The following UBTD1 variants were observed in gnomAD, a reference collection of about 807,000 sequenced individuals.
UBTD1 encodes the protein ubiquitin domain-containing protein 1.
Under a neutral mutation model 21.7 loss-of-function variants are expected in UBTD1, and 19 were observed. That is an observed-to-expected ratio of 0.87 (90% CI 0.61 to 1.28). The LOEUF is 1.28. Among genes scored for constraint, UBTD1 ranks in the 50% most tolerant of loss-of-function variants. The pLI, the probability that UBTD1 is intolerant of heterozygous loss-of-function variation, is 0.00. For synonymous variants in UBTD1, 116 were observed against 135.1 expected, an observed-to-expected ratio of 0.86 and a Z score of 0.98; for missense variants, 282 against 315.1, an observed-to-expected ratio of 0.89 and a Z score of 0.80.
At chr10:97,537,797 T>A (rs1006767672) in intron 1 of UBTD1, among the ~76,000 whole-genome samples, 2 of 150,072 alleles carry the variant, frequency 1.3e-5, no homozygotes. Context: ...TCTTTCAGGG[T>A]GTGTGCTTGT....
Position 97,516,797 on chromosome 10 carries a change from C to T in UBTD1, c.70+17524C>T, listed in dbSNP as rs184028039. 1.8e-3 allele frequency among the ~76,000 whole-genome samples: 276 copies of T among 152,060 alleles called. 1 individual carries two copies. The highest frequency in any genetic ancestry group is 6.2e-3 in the African/African-American group (256 of 41,516). On this transcript the variant is annotated intron_variant, in intron 1 of 2. Coordinates refer to ENST00000370664, the MANE Select transcript of UBTD1 (RefSeq NM_024954.5). The stretch of plus-strand genomic sequence containing the variant: ...AAAAAAAAAAAGAAACCCATCTCCT[C>T]GCATCTCCTACAGTCAGGGGATGCT...
At chr10:97,518,409 G>A (rs1466529382) in intron 1 of UBTD1, among the ~76,000 whole-genome samples, 1 of 152,236 alleles carries the variant, frequency 6.6e-6, no homozygotes, top group Non-Finnish European at 1.5e-5. Flanking sequence ...TTTCCTGTAT[G>A]AGTCATGCCT....
chr10:97,532,033 T>C (rs149933653), intron 1 of UBTD1, among the ~76,000 whole-genome samples: 4 of 152,170 alleles, frequency 2.6e-5, no homozygotes, highest in African/African-American at 9.7e-5. Flanking sequence ...GGCTGGGTAG[T>C]TGGCCATCCT....
chr10:97,539,189 G>C (rs766115812), intron 1 of UBTD1, among the ~76,000 whole-genome samples: 2 of 151,412 alleles, frequency 1.3e-5, no homozygotes, highest in African/African-American at 4.9e-5. Flanking sequence ...GGAGCCTGGG[G>C]TTTCTGGAGG....
At chr10:97,522,257 T>C (rs1267051297) in intron 1 of UBTD1, among the ~76,000 whole-genome samples, 1 of 152,240 alleles carries the variant, frequency 6.6e-6, no homozygotes, top group East Asian at 1.9e-4. Context: ...CAGACTTTCT[T>C]TGGGCGAGGC....
At chr10:97,544,996 G>A (rs1286609964) in intron 1 of UBTD1, among the ~76,000 whole-genome samples, 2 of 151,930 alleles carry the variant, frequency 1.3e-5, no homozygotes, top group East Asian at 1.9e-4. Flanking sequence ...AAGAAAACTC[G>A]AACCCATGTT....
In UBTD1 at chr10:97,568,151, C is replaced by A. The variant is rs768181581; in HGVS notation, c.298+10C>A. The A allele has an allele frequency of 6.2e-7, 1 of 1,613,204 alleles. No individual in the cohort carries two copies. Among genetic ancestry groups the A allele is most frequent in the Admixed American group, 1.7e-5 (1 of 60,024 alleles). Reference sequence around the variant, plus strand: ...ATCACCCTGCCTCATGGTAAGTGGGCAGGGCCAGGGCTTTATCCCCGCTGG... The same window carrying A: ...ATCACCCTGCCTCATGGTAAGTGGGAAGGGCCAGGGCTTTATCCCCGCTGG... On this transcript the variant is annotated intron_variant, in intron 2 of 2. Transcript: ENST00000370664.
At chr10:97,558,766 T>C (rs892548690) in intron 1 of UBTD1, among the ~76,000 whole-genome samples, 1 of 152,242 alleles carries the variant, frequency 6.6e-6, no homozygotes, top group African/African-American at 2.4e-5. Flanking sequence ...AACTATTTGA[T>C]TTTAAGCTTT....
chr10:97,534,401 G>T (rs939517657), intron 1 of UBTD1, among the ~76,000 whole-genome samples: 4 of 152,176 alleles, frequency 2.6e-5, no homozygotes, highest in Admixed American at 6.5e-5. Context: ...ATCCAAGGCA[G>T]CTAGAAACAG....
chr10:97,514,541 C>G (rs924600975), intron 1 of UBTD1, among the ~76,000 whole-genome samples: 4 of 152,200 alleles, frequency 2.6e-5, no homozygotes, highest in African/African-American at 9.7e-5. Context: ...ATCAGGACAG[C>G]TCCACGTTGT....
At chr10:97,518,864 T>C (rs997577834) in intron 1 of UBTD1, among the ~76,000 whole-genome samples, 1 of 152,244 alleles carries the variant, frequency 6.6e-6, no homozygotes, top group African/African-American at 2.4e-5. Context: ...GTTTTCCAGA[T>C]GTAGTACCAA....
chr10:97,570,464 A>G lies in UBTD1; in HGVS notation c.625A>G (p.Ile209Val). The G allele has an allele frequency of 1.2e-6, 2 of 1,612,338 alleles. No homozygotes were observed. The highest frequency in any genetic ancestry group is 1.7e-6 in the Non-Finnish European group (2 of 1,179,356). Residue 209 changes from isoleucine to valine, a missense_variant, in exon 3 of 3, where the codon ATC (isoleucine) becomes GTC (valine). Coordinates refer to ENST00000370664, the MANE Select transcript of UBTD1 (RefSeq NM_024954.5). The surrounding 1 kb of genome is among the most constrained non-coding windows in gnomAD (Gnocchi z 6.6). Reference protein sequence around the residue: ...TDRTRLQETKIQKDFVIQVII... With the variant: ...TDRTRLQETKVQKDFVIQVII... ...CCGCACACGGCTCCAGGAGACCAAG[A>G]TCCAGAAAGATTTTGTCATCCAGGT...
chr10:97,514,358 C>A (rs2040434977), intron 1 of UBTD1, among the ~76,000 whole-genome samples: 1 of 152,142 alleles, frequency 6.6e-6, no homozygotes, highest in Non-Finnish European at 1.5e-5. Flanking sequence ...CACCTGCCAC[C>A]CTCATCCCTC....
intron 1 of UBTD1, among the ~76,000 whole-genome samples, chr10:97,534,575 G>GCA (rs1220230746): frequency 1.3e-4 from 6 of 46,932 alleles, no homozygotes; most frequent in Non-Finnish European, 2.6e-4. Context: ...ACACACGCGC[G>GCA]CGCGCACACA....
intron 1 of UBTD1, among the ~76,000 whole-genome samples, chr10:97,538,117 T>C (rs567728635): frequency 4.6e-5 from 7 of 152,110 alleles, no homozygotes; most frequent in Non-Finnish European, 1.0e-4. Context: ...CCAGCCACCA[T>C]GCTCAGCCCC....
intron 1 of UBTD1, among the ~76,000 whole-genome samples, chr10:97,557,555 T>A (rs192449366): frequency 1.8e-4 from 28 of 152,336 alleles, no homozygotes; most frequent in African/African-American, 6.0e-4. Context: ...TATACTTATT[T>A]TTTTTTACTG....
intron 1 of UBTD1, among the ~76,000 whole-genome samples, chr10:97,555,421 C>T (rs1283922802): frequency 3.3e-5 from 5 of 152,126 alleles, no homozygotes; most frequent in Admixed American, 2.6e-4. Context: ...TTGTGGCTCA[C>T]GTGAGGTGGG....
At chr10:97,563,536 A>G (rs935702424) in intron 1 of UBTD1, among the ~76,000 whole-genome samples, 1 of 152,162 alleles carries the variant, frequency 6.6e-6, no homozygotes, top group African/African-American at 2.4e-5. Context: ...GGGCAAGTAT[A>G]AGAGTGAGTA....
At chr10:97,524,862 G>A (rs1184489624) in intron 1 of UBTD1, among the ~76,000 whole-genome samples, 2 of 152,192 alleles carry the variant, frequency 1.3e-5, no homozygotes, top group Non-Finnish European at 2.9e-5. Context: ...AAAGGGTGGA[G>A]GAGGCCTGCC....
Sources: gnomAD v4.1 joint callset for allele counts (sites outside exome capture counted in the v4.1 genomes callset) on GRCh38, gnomAD v4.1.1 for gene constraint, Gnocchi (gnomAD v3.1) non-coding constraint, MANE v1.5 for transcripts, NCBI Gene and HGNC (gene_info 2026-07-23, HGNC 2026-07-21) for gene names.